The following ZNF385D variants were observed in gnomAD, a reference collection of about 807,000 sequenced individuals.
ZNF385D encodes the protein zinc finger protein 659.
A neutral mutation model predicts 35.8 loss-of-function variants in ZNF385D; 15 were observed. That is an observed-to-expected ratio of 0.42 (90% CI 0.28 to 0.64). The LOEUF is 0.64. ZNF385D is among the 30% of genes least tolerant of loss of function. The pLI is 0.23. For missense variants in ZNF385D, 474 were observed against 494.6 expected, an observed-to-expected ratio of 0.96 and a Z score of 0.39; for synonymous variants, 212 against 186.8, an observed-to-expected ratio of 1.13 and a Z score of -1.10.
intron 3 of ZNF385D, among the ~76,000 whole-genome samples, chr3:21,787,309 A>T (rs1277984193): frequency 6.6e-6 from 1 of 152,144 alleles, no homozygotes; most frequent in African/African-American, 2.4e-5. Flanking sequence ...TCTTTCTCCA[A>T]CTGAGAAAAT....
chr3:22,065,945 A>T (rs1413421942), intron 3 of ZNF385D, among the ~76,000 whole-genome samples: 1 of 152,190 alleles, frequency 6.6e-6, no homozygotes, highest in Non-Finnish European at 1.5e-5. Context: ...TGAGGAGAAC[A>T]GTATCTGAGG....
chr3:21,526,358 T>A (rs751256176), intron 3 of ZNF385D, among the ~76,000 whole-genome samples: 15 of 152,150 alleles, frequency 9.9e-5, no homozygotes, highest in Non-Finnish European at 1.9e-4. Flanking sequence ...TTCCATTTCC[T>A]AAAACTTGAG....
At chr3:21,866,508 A>C (rs1697374515) in intron 3 of ZNF385D, among the ~76,000 whole-genome samples, 1 of 152,118 alleles carries the variant, frequency 6.6e-6, no homozygotes, top group South Asian at 2.1e-4. Context: ...TGATCTACGG[A>C]TATTGTTCTC....
chr3:21,966,905 A>C (rs985584147), intron 3 of ZNF385D, among the ~76,000 whole-genome samples: 17 of 152,326 alleles, frequency 1.1e-4, no homozygotes, highest in East Asian at 1.9e-4. Context: ...CCCCTGGCCT[A>C]GCAGATTTAC....
At chr3:21,964,213 A>G (rs1234973459) in intron 3 of ZNF385D, among the ~76,000 whole-genome samples, 2 of 151,890 alleles carry the variant, frequency 1.3e-5, no homozygotes, top group African/African-American at 2.4e-5. Context: ...AAACTATTTC[A>G]GATATGAGAT....
chr3:21,587,198 G>T (rs1276555652), intron 2 of ZNF385D, among the ~76,000 whole-genome samples: 2 of 152,106 alleles, frequency 1.3e-5, no homozygotes, highest in Admixed American at 1.3e-4. Flanking sequence ...TAGGTGAAAA[G>T]GAGCATTCAA....
intron 3 of ZNF385D, among the ~76,000 whole-genome samples, chr3:21,868,125 T>C (rs1309555367): frequency 1.3e-5 from 2 of 152,154 alleles, no homozygotes; most frequent in African/African-American, 4.8e-5. Flanking sequence ...TTCACTATCA[T>C]GAGCAGCAGT....
At chr3:22,101,855 A>G (rs370070962) in intron 3 of ZNF385D, among the ~76,000 whole-genome samples, 19 of 152,056 alleles carry the variant, frequency 1.2e-4, no homozygotes, top group African/African-American at 4.1e-4. Context: ...TGGTGACTAT[A>G]TATTTTCTGG....
At chr3:22,349,557 A>T (rs1350000709) in intron 2 of ZNF385D, among the ~76,000 whole-genome samples, 3 of 152,178 alleles carry the variant, frequency 2.0e-5, no homozygotes, top group Non-Finnish European at 4.4e-5. Flanking sequence ...ATGCAATTGA[A>T]CATACTTTGT....
chr3:21,587,086 A>ATATC (rs2063834135), intron 2 of ZNF385D, among the ~76,000 whole-genome samples: 2 of 152,152 alleles, frequency 1.3e-5, no homozygotes, highest in African/African-American at 2.4e-5. Context: ...GGAGAATAGT[A>ATATC]TATCTGGAAG....
At chr3:22,012,012 A>T (rs948497286) in intron 3 of ZNF385D, among the ~76,000 whole-genome samples, 8 of 152,142 alleles carry the variant, frequency 5.3e-5, no homozygotes, top group African/African-American at 1.7e-4. Flanking sequence ...CACATAACAT[A>T]ATCAGTACAT....
At chr3:21,788,677 T>C (rs1335556389) in intron 3 of ZNF385D, among the ~76,000 whole-genome samples, 1 of 152,238 alleles carries the variant, frequency 6.6e-6, no homozygotes, top group African/African-American at 2.4e-5. Context: ...AATTTTTGAT[T>C]CGGGGGCATA....
intron 2 of ZNF385D, among the ~76,000 whole-genome samples, chr3:22,180,157 A>T (rs928698208): frequency 2.6e-5 from 4 of 152,188 alleles, no homozygotes; most frequent in Admixed American, 2.0e-4. Flanking sequence ...TACTATAAAC[A>T]CCTCTATGCA....
chr3:22,112,366 A>G (rs1268909777), intron 3 of ZNF385D, among the ~76,000 whole-genome samples: 2 of 152,126 alleles, frequency 1.3e-5, no homozygotes, highest in Non-Finnish European at 2.9e-5. Context: ...TCCTCCAACC[A>G]TCAGAAATCA....
chr3:21,469,588 T>C (rs1046918118), intron 4 of ZNF385D, among the ~76,000 whole-genome samples: 5 of 152,334 alleles, frequency 3.3e-5, no homozygotes, highest in African/African-American at 1.2e-4. Flanking sequence ...TTTAGGTTTA[T>C]ACTCTGGGAA....
intron 3 of ZNF385D, among the ~76,000 whole-genome samples, chr3:21,840,541 A>G (rs962110153): frequency 1.3e-5 from 2 of 148,234 alleles, no homozygotes; most frequent in Non-Finnish European, 3.0e-5. Flanking sequence ...TTTGTGCTTT[A>G]TGGGCAACTG....
intron 3 of ZNF385D, among the ~76,000 whole-genome samples, chr3:21,959,671 G>A (rs1702475850): frequency 6.6e-6 from 1 of 152,286 alleles, no homozygotes; most frequent in East Asian, 1.9e-4. Flanking sequence ...AGCCCCATGG[G>A]TGGGTACACA....
intron 3 of ZNF385D, among the ~76,000 whole-genome samples, chr3:21,967,391 G>A (rs647468): frequency 0.14 from 20,665 of 152,090 alleles, 3,367 homozygotes; most frequent in African/African-American, 0.39. Flanking sequence ...AAATTCAAGC[G>A]TGGAACTTCT....
At chr3:21,979,825 A>T (rs1000166984) in intron 3 of ZNF385D, 1 of 152,212 alleles carries the variant, frequency 6.6e-6, no homozygotes, top group African/African-American at 2.4e-5. Flanking sequence ...TGTGTTTCAA[A>T]ACATTGTATG....
Sources: allele counts gnomAD v4.1 joint callset (sites outside exome capture counted in the v4.1 genomes callset), GRCh38; gene constraint gnomAD v4.1.1; transcripts MANE v1.5; gene names NCBI Gene and HGNC (gene_info 2026-07-23, HGNC 2026-07-21).